Variants in EYS observed in about 807,000 individuals in gnomAD.
EYS encodes EGF-like photoreceptor maintenance factor.
Under a neutral mutation model 282.1 loss-of-function variants are expected in EYS, and 250 were observed. That is an observed-to-expected ratio of 0.89 (90% CI 0.80 to 0.98). EYS has a LOEUF of 0.98. Among genes scored for constraint, EYS ranks in the 50% least tolerant of loss-of-function variants. The pLI is 0.00. For synonymous variants in EYS, 1,355 were observed against 1,282.9 expected (o/e 1.06, Z -1.20); for missense variants, 4,016 against 3,709.0 (o/e 1.08, Z -2.15).
intron 34 of EYS, among the ~76,000 whole-genome samples, chr6:63,988,794 G>A (rs1397626618): frequency 1.3e-5 from 2 of 151,504 alleles, no homozygotes; most frequent in East Asian, 3.9e-4. Flanking sequence ...GAGGGAAAAG[G>A]CCTCCATATC....
At chr6:65,633,001 T>A (rs1766970789) in intron 2 of EYS, among the ~76,000 whole-genome samples, 1 of 152,162 alleles carries the variant, frequency 6.6e-6, no homozygotes, top group Non-Finnish European at 1.5e-5. Flanking sequence ...AGCAAATATG[T>A]CTATCTACAG....
intron 11 of EYS, among the ~76,000 whole-genome samples, chr6:65,299,903 T>C (rs1768770301): frequency 6.6e-6 from 1 of 152,064 alleles, no homozygotes; most frequent in Non-Finnish European, 1.5e-5. Context: ...GACACACAGA[T>C]AAACACACCA....
At chr6:65,051,599 A>C (rs1283976890) in intron 13 of EYS, among the ~76,000 whole-genome samples, 1 of 151,586 alleles carries the variant, frequency 6.6e-6, no homozygotes, top group Non-Finnish European at 1.5e-5. Flanking sequence ...TATATAATAC[A>C]TTGTTTTAAA....
intron 22 of EYS, among the ~76,000 whole-genome samples, chr6:64,766,416 G>A (rs769861370): frequency 4.0e-5 from 6 of 149,280 alleles, no homozygotes; most frequent in East Asian, 2.0e-4. Flanking sequence ...GGCAGATCAC[G>A]AGGTCAGGAG....
At chr6:65,042,697 G>T (rs1772975551) in intron 13 of EYS, among the ~76,000 whole-genome samples, 1 of 151,166 alleles carries the variant, frequency 6.6e-6, no homozygotes. Context: ...ACAGTTGCAT[G>T]TGTTTTAAAA....
intron 30 of EYS, among the ~76,000 whole-genome samples, chr6:64,267,007 C>T (rs1331310388): frequency 6.6e-6 from 1 of 152,124 alleles, no homozygotes; most frequent in Non-Finnish European, 1.5e-5. Context: ...AAAACAGTCA[C>T]ATTGTGCATG....
chr6:63,887,351 G>T (rs1310490462), intron 35 of EYS, among the ~76,000 whole-genome samples: 1 of 130,008 alleles, frequency 7.7e-6, no homozygotes, highest in Non-Finnish European at 1.6e-5. Context: ...AAATAGAATG[G>T]AGGGATTCCC....
chr6:65,276,413 G>GA (rs898052031), intron 12 of EYS, among the ~76,000 whole-genome samples: 72 of 142,100 alleles, frequency 5.1e-4, no homozygotes, highest in East Asian at 8.1e-4. Flanking sequence ...ACCCAGAAAA[G>GA]AAAAAAAAAA....
intron 35 of EYS, among the ~76,000 whole-genome samples, chr6:63,956,236 A>G (rs1374511909): frequency 6.6e-6 from 1 of 152,202 alleles, no homozygotes; most frequent in East Asian, 1.9e-4. Context: ...AAAGAAGTGA[A>G]AATGCCTGGT....
chr6:63,942,099 AG>A (rs1438674347), intron 35 of EYS, among the ~76,000 whole-genome samples: 1 of 152,136 alleles, frequency 6.6e-6, no homozygotes, highest in East Asian at 1.9e-4. Flanking sequence ...CCTCTAGATC[AG>A]GGGGTTATAA....
chr6:65,239,973 T>A lies in EYS; in HGVS notation c.2023+55890A>T, dbSNP rs763084616. Among the ~76,000 whole-genome samples the A allele has an allele frequency of 7.8e-3, 480 of 61,348 alleles. 3 individuals carry two copies. The highest frequency in any genetic ancestry group is 0.013 in the Admixed American group (103 of 7,648). 40.2% of individuals were successfully genotyped at this position (61,348 alleles called of 152,430 possible). A position where few individuals can be genotyped will look rare whatever the true frequency, so the allele number is the denominator to read the frequency against. ...TGTATTTGTAGCATATATATTTTGA[T>A]TTTTTTTTTTTTTGAGACAGAGTCT... On this transcript the variant is annotated intron_variant, in intron 12 of 42. Transcript: ENST00000503581.
intron 19 of EYS, among the ~76,000 whole-genome samples, chr6:64,854,986 G>A (rs1766008393): frequency 6.6e-6 from 1 of 152,088 alleles, no homozygotes; most frequent in East Asian, 1.9e-4. Context: ...TTACTTTTAA[G>A]GTGTCACTAT....
At chr6:64,123,014 C>T (rs919191441) in intron 31 of EYS, among the ~76,000 whole-genome samples, 1 of 151,680 alleles carries the variant, frequency 6.6e-6, no homozygotes, top group Non-Finnish European at 1.5e-5. Flanking sequence ...TATCATGAAA[C>T]TATTGTTTTA....
chr6:65,466,393 A>G (rs1215696214), intron 5 of EYS, among the ~76,000 whole-genome samples: 1 of 152,202 alleles, frequency 6.6e-6, no homozygotes, highest in African/African-American at 2.4e-5. Flanking sequence ...AAAATAAAAT[A>G]TAATATGTAC....
At position 64,346,480 on chromosome 6, in the gene EYS, C is replaced by T. The variant is rs925587016; in HGVS notation, c.6079-39398G>A. On this transcript the variant is annotated intron_variant, in intron 29 of 42. Coordinates refer to ENST00000503581, the MANE Select transcript of EYS (RefSeq NM_001142800.2). ...AAAAACCAAACACCACATGTTCTCA[C>T]TCTTAAGTGGGAATTGAACAATGAG... is the stretch of plus-strand genomic sequence containing the variant. 4.0e-5 allele frequency among the ~76,000 whole-genome samples: 6 copies of T among 151,556 alleles called. No individual in the cohort carries two copies. In the South Asian group the frequency reaches 1.0e-3, roughly 26 times the overall value.
rs188523513 is a variant in EYS at position 64,159,746 on chromosome 6, C to A, written c.6424+70846G>T. Among the ~76,000 whole-genome samples, 88 of 151,874 alleles carry A rather than the reference C, an allele frequency of 5.8e-4. 1 individual carries two copies. Among genetic ancestry groups the A allele is most frequent in the African/African-American group, 2.1e-3 (85 of 41,450 alleles). On this transcript the variant is annotated intron_variant, in intron 31 of 42. Transcript: ENST00000503581. Reference sequence around the variant, plus strand: ...ATTTTTTTTCCGTTTAAGAAATTTTCTTTTATTCTGTGGCTCTTCTTTCCG... The same window carrying A: ...ATTTTTTTTCCGTTTAAGAAATTTTATTTTATTCTGTGGCTCTTCTTTCCG...
chr6:65,238,052 A>G (rs1383094297), intron 12 of EYS, among the ~76,000 whole-genome samples: 4 of 151,964 alleles, frequency 2.6e-5, no homozygotes, highest in African/African-American at 7.2e-5. Flanking sequence ...CTTTAGGTAT[A>G]TGTATATAGA....
In EYS at chr6:65,621,395, C is replaced by G. The variant is rs189254939; in HGVS notation, c.-333+18383G>C. ...TGCAACCCCTGCCTTTTTTTGTTTTCCATTGGCTTGGTAGATCTTCCTCCA... is the reference window on the plus strand; with the variant it reads ...TGCAACCCCTGCCTTTTTTTGTTTTGCATTGGCTTGGTAGATCTTCCTCCA... On this transcript the variant is annotated intron_variant, in intron 2 of 42. Coordinates refer to ENST00000503581, the MANE Select transcript of EYS (RefSeq NM_001142800.2). 1.5e-3 allele frequency among the ~76,000 whole-genome samples: 221 copies of G among 150,776 alleles called. 5 individuals carry two copies. The highest frequency in any genetic ancestry group is 8.3e-4 in the Non-Finnish European group (56 of 67,696).
intron 7 of EYS, among the ~76,000 whole-genome samples, chr6:65,398,262 G>T: frequency 6.6e-6 from 1 of 151,860 alleles, no homozygotes; most frequent in Non-Finnish European, 1.5e-5. Flanking sequence ...AACCAAAACA[G>T]CATGGTATTG....
Sources: allele counts gnomAD v4.1 joint callset (sites outside exome capture counted in the v4.1 genomes callset), GRCh38; gene constraint gnomAD v4.1.1; transcripts MANE v1.5; gene names NCBI Gene and HGNC (gene_info 2026-07-23, HGNC 2026-07-21).